Variants in AHNAK2 observed in about 807,000 individuals in gnomAD.
The protein encoded by AHNAK2 is AHNAK nucleoprotein 2, also known as protein AHNAK2.
A neutral mutation model predicts 30.7 loss-of-function variants in AHNAK2; 18 were observed. That is an observed-to-expected ratio of 0.59 (90% CI 0.41 to 0.87). The LOEUF (loss-of-function observed/expected upper bound fraction) is 0.87. Ranked by LOEUF, AHNAK2 falls within the 40% of genes least tolerant of loss-of-function variation. The probability of loss-of-function intolerance (pLI) is 0.00; values close to 1 mark genes in which losing one functional copy is unlikely to be tolerated. For missense variants in AHNAK2, 8,604 were observed against 7,373.0 expected (o/e 1.17, Z -6.11); for synonymous variants, 3,590 against 3,073.8 (o/e 1.17, Z -5.56).
rs1898030483 is a variant in AHNAK2 at position 104,942,363 on chromosome 14, T to C, written c.13088A>G (p.Asp4363Gly). ...CACAGGGCCCTCTGGGAGTTTCACA[T>C]CCTCTTGGCCAGCCTGGACCTCCAG... is the stretch of plus-strand genomic sequence containing the variant. ...ADLEVQAGQEDVKLPEGPVHE... is the reference protein window; with the variant it reads ...ADLEVQAGQEGVKLPEGPVHE... Residue 4363 changes from aspartate (D) to glycine (G), a missense_variant, in exon 7 of 7, where the codon GAT (aspartate) becomes GGT (glycine). By Grantham distance (94) the Asp-to-Gly change is moderately conservative (BLOSUM62 -1). Coordinates refer to ENST00000333244, the MANE Select transcript of AHNAK2 (RefSeq NM_138420.4). 1 of 1,612,516 alleles carries C rather than the reference T, an allele frequency of 6.2e-7. No homozygotes were observed. Among genetic ancestry groups the C allele is most frequent in the Non-Finnish European group, 8.5e-7 (1 of 1,179,578 alleles).
Position 104,942,516 on chromosome 14 carries a change from G to A in AHNAK2, c.12935C>T (p.Ala4312Val). The change falls in exon 7 of 7, where the codon GCC becomes GTC. Residue 4312 changes from alanine to valine, a missense_variant. Coordinates refer to ENST00000333244, the MANE Select transcript of AHNAK2 (RefSeq NM_138420.4). ...KFKMPSFGVSAPGKSIEASLD... is the reference protein window; with the variant it reads ...KFKMPSFGVSVPGKSIEASLD... ...CGAGGCCTCGATGGACTTGCCTGGG[G>A]CAGACACCCCGAACGACGGCATCTT... The A allele has an allele frequency of 1.9e-6, 3 of 1,613,042 alleles. No homozygotes were observed. Among genetic ancestry groups the A allele is most frequent in the African/African-American group, 1.3e-5 (1 of 74,766 alleles).
At chr14:104,972,816 C>T (rs1217566248) in intron 1 of AHNAK2, among the ~76,000 whole-genome samples, 1 of 152,258 alleles carries the variant, frequency 6.6e-6, no homozygotes. Context: ...CCCCGCCAGG[C>T]ACTCAGAACC....
intron 1 of AHNAK2, chr14:104,970,552 T>G: frequency 6.1e-6 from 6 of 979,868 alleles, no homozygotes; most frequent in South Asian, 4.7e-5. Context: ...CCACAGCTCC[T>G]CCCCCCATTG....
At position 104,947,531 on chromosome 14, in the gene AHNAK2, A is replaced by C. The variant is rs540187461; in HGVS notation, c.7920T>G (p.Gly2640=). The change falls in exon 7 of 7, where the codon GGT becomes GGG. Residue 2640 remains glycine (G), a synonymous_variant. Transcript: ENST00000333244. ...TGAACTTGCTATCTTTGGCTGTCAC[A>C]CCCTTGTCGGCCAGGGACAGGTCCC... ...LEGDLSLADK[G]VTAKDSKFKM... is the part of the protein sequence containing the mutation. The C allele has an allele frequency of 7.1e-4, 1,145 of 1,609,980 alleles. 26 individuals are homozygous for C. In the African/African-American group the frequency reaches 0.014, roughly 19 times the overall value.
Position 104,950,408 on chromosome 14 carries a change from C to A in AHNAK2, c.5043G>T (p.Val1681=), listed in dbSNP as rs763297818. 3 of 1,587,192 alleles carry A rather than the reference C, an allele frequency of 1.9e-6. No homozygotes were observed. Among genetic ancestry groups the A allele is most frequent in the Non-Finnish European group, 2.6e-6 (3 of 1,163,054 alleles). ...CTTCCACCTTCGGCTCAGACACATCCACCGAGGCCTCGATGGACTTGCCTG... is the reference window on the plus strand; with the variant it reads ...CTTCCACCTTCGGCTCAGACACATCAACCGAGGCCTCGATGGACTTGCCTG... ...SAPGKSIEAS[V]DVSEPKVEAD... The change falls in exon 7 of 7, where the codon GTG becomes GTT. Residue 1681 remains valine, a synonymous_variant. Transcript: ENST00000333244.
At chr14:104,958,177 G>A (rs1249004702) in intron 1 of AHNAK2, among the ~76,000 whole-genome samples, 6 of 152,334 alleles carry the variant, frequency 3.9e-5, no homozygotes, top group South Asian at 2.1e-4. Context: ...GGCCGGGCAC[G>A]GTGGCTCATG....
At position 104,946,618 on chromosome 14, in the gene AHNAK2, C is replaced by T. The variant is rs1898286183; in HGVS notation, c.8833G>A (p.Glu2945Lys). 2.5e-6 allele frequency: 4 copies of T among 1,613,022 alleles called. No homozygotes were observed. The highest frequency in any genetic ancestry group is 3.4e-6 in the Non-Finnish European group (4 of 1,179,762). ...PDVEVSLPSV[E>K]VDVEAPRAKL... ...GCTCTCGGGGCCTCGACGTCCACCT[C>T]CACGCTGGGCAGAGACACCTCCACG... The change falls in exon 7 of 7, where the codon GAG becomes AAG. Residue 2945 changes from glutamate (E) to lysine (K), a missense_variant. By Grantham distance (56) the Glu-to-Lys change is moderately conservative. Coordinates refer to ENST00000333244, the MANE Select transcript of AHNAK2 (RefSeq NM_138420.4).
In AHNAK2 at chr14:104,951,030, C is replaced by T. The variant is rs750931427; in HGVS notation, c.4421G>A (p.Arg1474Gln). 5.0e-5 allele frequency: 53 copies of T among 1,062,534 alleles called. 20 individuals carry two copies. Among genetic ancestry groups the T allele is most frequent in the Middle Eastern group, 2.7e-4 (1 of 3,688 alleles). 65.8% of individuals were successfully genotyped at this position (1,062,534 alleles called of 1,614,324 possible). ...EAPGAKLDGG[R>Q]LEEDMSLADK... ...GGCCAGGGACATGTCCTCCTCCAGCCGTCCACCATCCAGCTTGGCTCCTGG... is the reference window on the plus strand; with the variant it reads ...GGCCAGGGACATGTCCTCCTCCAGCTGTCCACCATCCAGCTTGGCTCCTGG... The change falls in exon 7 of 7, where the codon CGG (arginine) becomes CAG (glutamine). Residue 1474 changes from arginine to glutamine, a missense_variant. Arg to Gln is a conservative substitution (Grantham distance 43, BLOSUM62 1). Coordinates refer to ENST00000333244, the MANE Select transcript of AHNAK2 (RefSeq NM_138420.4).
intron 1 of AHNAK2, among the ~76,000 whole-genome samples, chr14:104,971,691 C>G (rs1437717044): frequency 6.6e-6 from 1 of 152,260 alleles, no homozygotes; most frequent in Non-Finnish European, 1.5e-5. Flanking sequence ...TCACCTCACC[C>G]TGCTGCACCC....
chr14:104,954,677 C>A lies in AHNAK2; in HGVS notation c.774G>T (p.Arg258Ser), dbSNP rs556850949. The change falls in exon 7 of 7, where the codon AGG becomes AGT. Residue 258 changes from arginine (R) to serine (S), a missense_variant. Transcript: ENST00000333244. The surrounding 1 kb of genome is among the most constrained non-coding windows in gnomAD (Gnocchi z 4.3). ...VGRGRQSQRE[R>S]LSWPKFQSIK... ...TGGATTGAAATTTTGGCCAAGAGAGCCTCTCCCTCTGGCTCTGCCTGCCTC... is the reference window on the plus strand; with the variant it reads ...TGGATTGAAATTTTGGCCAAGAGAGACTCTCCCTCTGGCTCTGCCTGCCTC... 1.2e-6 allele frequency: 2 copies of A among 1,612,706 alleles called. No individual in the cohort carries two copies. Among genetic ancestry groups the A allele is most frequent in the African/African-American group, 1.3e-5 (1 of 75,044 alleles).
rs750001607 is a variant in AHNAK2, at chr14:104,945,309, A to C, written c.10142T>G (p.Val3381Gly). The C allele has an allele frequency of 1.3e-5, 21 of 1,612,858 alleles. No homozygotes were observed. Among genetic ancestry groups the C allele is most frequent in the Non-Finnish European group, 1.8e-5 (21 of 1,179,590 alleles). Residue 3381 changes from valine to glycine, a missense_variant, in exon 7 of 7, where the codon GTG becomes GGG. Coordinates refer to ENST00000333244, the MANE Select transcript of AHNAK2 (RefSeq NM_138420.4). Reference sequence around the variant, plus strand: ...CCCTTTGAGGCCAGCTCCCTCGGGCACGTGGCCCTCCGGGAGCTTCACGTC... The same window carrying C: ...CCCTTTGAGGCCAGCTCCCTCGGGCCCGTGGCCCTCCGGGAGCTTCACGTC... ...QVDVKLPEGHVPEGAGLKGHL... is the reference protein window; with the variant it reads ...QVDVKLPEGHGPEGAGLKGHL...
Position 104,944,792 on chromosome 14 carries a change from T to C in AHNAK2, c.10659A>G (p.Lys3553=). 1.2e-6 allele frequency: 2 copies of C among 1,612,908 alleles called. No homozygotes were observed. The highest frequency in any genetic ancestry group is 2.2e-5 in the East Asian group (1 of 44,760). ...EGPVPEGAGL[K]GHLPKVEMPS... is the part of the protein sequence containing the mutation. ...GCATCTCCACTTTGGGCAGGTGCCC[T>C]TTGAGGCCGGCTCCCTCGGGCACGG... Residue 3553 remains lysine (K), a synonymous_variant, in exon 7 of 7, where the codon AAA becomes AAG. Transcript: ENST00000333244.
chr14:104,941,330 G>T lies in AHNAK2; in HGVS notation c.14121C>A (p.Pro4707=), dbSNP rs1897977653. 6.2e-7 allele frequency: 1 copy of T among 1,613,456 alleles called. No individual in the cohort carries two copies. Among genetic ancestry groups the T allele is most frequent in the Non-Finnish European group, 8.5e-7 (1 of 1,179,862 alleles). ...TTTTGGTAGAAGAAAATGAAACTTTGGGCACTTTAAAATGCAGTTTCTTAA... is the reference window on the plus strand; with the variant it reads ...TTTTGGTAGAAGAAAATGAAACTTTTGGCACTTTAAAATGCAGTTTCTTAA... The part of the protein sequence containing the change: ...SKFKKLHFKV[P]KVSFSSTKTP... Residue 4707 remains proline, a synonymous_variant, in exon 7 of 7, where the codon CCC becomes CCA. Coordinates refer to ENST00000333244, the MANE Select transcript of AHNAK2 (RefSeq NM_138420.4).
In AHNAK2 at chr14:104,941,030, C is replaced by T. The variant is rs754827463; in HGVS notation, c.14421G>A (p.Glu4807=). 15 of 1,613,518 alleles carry T rather than the reference C, an allele frequency of 9.3e-6. No individual in the cohort carries two copies. Among genetic ancestry groups the T allele is most frequent in the African/African-American group, 5.3e-5 (4 of 75,030 alleles). ...ACCCAGAAGGAATTTCCAGAGCAAG[C>T]TCAGGGGCCAAGGCAGCTCTGGGAA... is the stretch of plus-strand genomic sequence containing the variant. The part of the protein sequence containing the change: ...VTVPRAALAP[E]LALEIPSGSQ... The change falls in exon 7 of 7, where the codon GAG becomes GAA. Residue 4807 remains glutamate (E), a synonymous_variant. Coordinates refer to ENST00000333244, the MANE Select transcript of AHNAK2 (RefSeq NM_138420.4).
At position 104,946,209 on chromosome 14, in the gene AHNAK2, A is replaced by G. The variant is rs1256660877; in HGVS notation, c.9242T>C (p.Ile3081Thr). 6.3e-7 allele frequency: 1 copy of G among 1,592,934 alleles called. No homozygotes were observed. Among genetic ancestry groups the G allele is most frequent in the South Asian group, 1.1e-5 (1 of 88,516 alleles). The change falls in exon 7 of 7, where the codon ATA (isoleucine) becomes ACA (threonine). Residue 3081 changes from isoleucine to threonine, a missense_variant. By Grantham distance (89) the Ile-to-Thr change is moderately conservative. Transcript: ENST00000333244. The part of the protein sequence containing the change: ...MPKVDRKGPQ[I>T]DVKGPKLDLK... ...GTCCAGCTTGGGGCCCTTGACATCT[A>G]TCTGGGGTCCCTTGCGATCTACTTT... is the stretch of plus-strand genomic sequence containing the variant.
intron 1 of AHNAK2, among the ~76,000 whole-genome samples, chr14:104,971,564 A>G (rs1327611919): frequency 6.6e-6 from 1 of 151,794 alleles, no homozygotes; most frequent in Non-Finnish European, 1.5e-5. Flanking sequence ...TTTTTTTTTA[A>G]CAAGCCTCCC....
At position 104,939,094 on chromosome 14, in the gene AHNAK2, G is replaced by C. The variant is rs1364460922; in HGVS notation, c.16357C>G (p.Leu5453Val). 9.3e-6 allele frequency: 15 copies of C among 1,604,700 alleles called. No homozygotes were observed. The highest frequency in any genetic ancestry group is 1.2e-5 in the Non-Finnish European group (14 of 1,175,666). Residue 5453 changes from leucine (L) to valine (V), a missense_variant, in exon 7 of 7, where the codon CTG (leucine) becomes GTG (valine). Coordinates refer to ENST00000333244, the MANE Select transcript of AHNAK2 (RefSeq NM_138420.4). ...VPGEQPVDLNLPLEAPPISKV... is the reference protein window; with the variant it reads ...VPGEQPVDLNVPLEAPPISKV... ...GAAATTGGGGGAGCTTCCAAAGGCA[G>C]GTTAAGGTCCACAGGCTGCTCCCCA...
chr14:104,954,915 G>A lies in AHNAK2; in HGVS notation c.651+42C>T, dbSNP rs749956700. On this transcript the variant is annotated intron_variant, in intron 6 of 6. Transcript: ENST00000333244. This position sits in a 1 kb window ranked among gnomAD's most constrained non-coding sequence, Gnocchi z 4.3. ...TCCCAGGCTCAGCCAGCAGGGTAGT[G>A]AAGCCAGCTGGGGCCCTGCCCCCCG... is the stretch of plus-strand genomic sequence containing the variant. The A allele has an allele frequency of 2.6e-5, 13 of 508,232 alleles. No individual in the cohort carries two copies. Among genetic ancestry groups the A allele is most frequent in the Non-Finnish European group, 4.0e-5 (13 of 322,860 alleles). 31.5% of individuals were successfully genotyped at this position (508,232 alleles called of 1,614,324 possible).
In AHNAK2 at chr14:104,946,626, G is replaced by C; in HGVS notation, c.8825C>G (p.Pro2942Arg). 4 of 1,612,618 alleles carry C rather than the reference G, an allele frequency of 2.5e-6. No homozygotes were observed. The highest frequency in any genetic ancestry group is 3.4e-6 in the Non-Finnish European group (4 of 1,179,624). The part of the protein sequence containing the change: ...VTAPDVEVSL[P>R]SVEVDVEAPR... ...GGCCTCGACGTCCACCTCCACGCTGGGCAGAGACACCTCCACGTCGGGGGC... is the reference window on the plus strand; with the variant it reads ...GGCCTCGACGTCCACCTCCACGCTGCGCAGAGACACCTCCACGTCGGGGGC... Residue 2942 changes from proline (P) to arginine (R), a missense_variant, in exon 7 of 7, where the codon CCC becomes CGC. By Grantham distance (103) the Pro-to-Arg change is moderately radical. Transcript: ENST00000333244.
Sources: gnomAD v4.1 joint callset for allele counts (sites outside exome capture counted in the v4.1 genomes callset) on GRCh38, gnomAD v4.1.1 for gene constraint, Gnocchi (gnomAD v3.1) non-coding constraint, MANE v1.5 for transcripts, NCBI Gene and HGNC (gene_info 2026-07-23, HGNC 2026-07-21) for gene names.